LRRC69: variants seen among roughly 807,000 people sequenced by gnomAD.
The protein encoded by LRRC69 is leucine-rich repeat-containing protein 69.
Under a neutral mutation model 37.8 loss-of-function variants are expected in LRRC69, and 42 were observed. The ratio of observed to expected loss-of-function variants is 1.11; its 90% confidence interval spans 0.87 to 1.44. The LOEUF (loss-of-function observed/expected upper bound fraction) is 1.44. Ranked by LOEUF, LRRC69 falls within the 40% of genes most tolerant of loss-of-function variation. The pLI, the probability that LRRC69 is intolerant of heterozygous loss-of-function variation, is 0.00. For missense variants in LRRC69, 357 were observed against 401.9 expected (o/e 0.89, Z 0.96); for synonymous variants, 141 against 143.1 (o/e 0.99, Z 0.11).
intron 5 of LRRC69, among the ~76,000 whole-genome samples, chr8:91,148,845 A>AT: frequency 6.6e-6 from 1 of 151,930 alleles, no homozygotes; most frequent in East Asian, 1.9e-4. Flanking sequence ...GATGATGAGC[A>AT]TTTTTTCATG....
chr8:91,211,296 A>G (rs1809912382), intron 7 of LRRC69, among the ~76,000 whole-genome samples: 1 of 152,110 alleles, frequency 6.6e-6, no homozygotes, highest in South Asian at 2.1e-4. Flanking sequence ...GATAGTAAAA[A>G]AGTATATCAC....
chr8:91,109,007 C>T (rs190290593), intron 1 of LRRC69, among the ~76,000 whole-genome samples: 1 of 152,134 alleles, frequency 6.6e-6, no homozygotes, highest in Admixed American at 6.5e-5. Flanking sequence ...AAGCCTTTCT[C>T]TTCTCCTGTT....
At chr8:91,187,908 C>G (rs571871583) in intron 5 of LRRC69, among the ~76,000 whole-genome samples, 4 of 152,290 alleles carry the variant, frequency 2.6e-5, no homozygotes, top group African/African-American at 9.6e-5. Context: ...CTTCTTTCTC[C>G]TTTACATTGA....
rs1809575844 is a variant in LRRC69, at chr8:91,195,271, G to T, written c.754-5342G>T. Among the ~76,000 whole-genome samples the T allele has an allele frequency of 2.6e-5, 4 of 151,778 alleles. No individual in the cohort carries two copies. In the South Asian group the frequency reaches 8.3e-4, roughly 32 times the overall value. ...GGAGAGCTTTACTTCCAAGTGTGTGGTCAATTTTGGAATAGGTGTGGTGTG... is the reference window on the plus strand; with the variant it reads ...GGAGAGCTTTACTTCCAAGTGTGTGTTCAATTTTGGAATAGGTGTGGTGTG... On this transcript the variant is annotated intron_variant, in intron 6 of 7. Transcript: ENST00000448384.
rs141915141 is a variant in LRRC69 at position 91,212,774 on chromosome 8, A to G, written c.934-6116A>G. On this transcript the variant is annotated intron_variant, in intron 7 of 7. Coordinates refer to ENST00000448384, the Ensembl canonical transcript of LRRC69. Reference sequence around the variant, plus strand: ...TACATTAGGTACTAAGAGGATCAGAAAGCATCACATTTCTAATTCTAAACA... The same window carrying G: ...TACATTAGGTACTAAGAGGATCAGAGAGCATCACATTTCTAATTCTAAACA... Among the ~76,000 whole-genome samples the G allele has an allele frequency of 4.2e-3, 647 of 152,322 alleles. 8 individuals carry two copies. Among genetic ancestry groups the G allele is most frequent in the African/African-American group, 0.015 (629 of 41,572 alleles).
chr8:91,129,261 C>G (rs977124910), intron 3 of LRRC69, among the ~76,000 whole-genome samples: 3 of 152,028 alleles, frequency 2.0e-5, no homozygotes, highest in African/African-American at 7.2e-5. Context: ...AGGCTCAGTT[C>G]TTTCTCCAAA....
intron 5 of LRRC69, among the ~76,000 whole-genome samples, chr8:91,171,607 G>A (rs577833250): frequency 4.3e-4 from 65 of 152,026 alleles, no homozygotes; most frequent in Non-Finnish European, 8.2e-4. Flanking sequence ...TTAGCCCTGG[G>A]AAGATCATAT....
downstream of LRRC69, chr8:91,219,079 A>C: frequency 1.6e-6 from 1 of 620,836 alleles, no homozygotes; most frequent in Non-Finnish European, 2.7e-6. Context: ...CCTACTTAAG[A>C]TACCATGCCT....
intron 5 of LRRC69, among the ~76,000 whole-genome samples, chr8:91,155,769 A>C (rs1018095658): frequency 1.3e-5 from 2 of 150,554 alleles, no homozygotes; most frequent in Non-Finnish European, 3.0e-5. Flanking sequence ...ATTTTACTTA[A>C]TATAATGTCC....
intron 7 of LRRC69, chr8:91,206,863 C>T: frequency 7.8e-7 from 1 of 1,285,150 alleles, no homozygotes; most frequent in Non-Finnish European, 1.0e-6. Context: ...TTGCCAATTT[C>T]AGAAAGCTGC....
At chr8:91,153,551 T>C (rs940113632) in intron 5 of LRRC69, among the ~76,000 whole-genome samples, 3 of 151,896 alleles carry the variant, frequency 2.0e-5, no homozygotes, top group African/African-American at 7.2e-5. Context: ...GAACTCAAGA[T>C]TAAGAAACTT....
chr8:91,192,180 C>A (rs1390558714), intron 6 of LRRC69, among the ~76,000 whole-genome samples: 5 of 152,044 alleles, frequency 3.3e-5, no homozygotes, highest in Non-Finnish European at 2.9e-5. Flanking sequence ...TGAACTCATC[C>A]TTTTTTATGA....
intron 6 of LRRC69, among the ~76,000 whole-genome samples, chr8:91,199,164 G>A (rs181293423): frequency 1.1e-4 from 16 of 152,240 alleles, no homozygotes; most frequent in African/African-American, 3.4e-4. Flanking sequence ...CATTGAATTC[G>A]TGTAGCTAAA....
intron 6 of LRRC69, among the ~76,000 whole-genome samples, chr8:91,191,813 T>A (rs1208957177): frequency 6.6e-6 from 1 of 152,202 alleles, no homozygotes; most frequent in Non-Finnish European, 1.5e-5. Context: ...TTTTCAGAAC[T>A]GTTGGGTCCA....
intron 5 of LRRC69, among the ~76,000 whole-genome samples, chr8:91,147,964 G>A (rs1416487856): frequency 6.6e-6 from 1 of 151,568 alleles, no homozygotes; most frequent in Admixed American, 6.6e-5. Flanking sequence ...GCGGTGTTTG[G>A]TTTTCTGTTC....
At chr8:91,143,813 T>A (rs940806047) in intron 5 of LRRC69, among the ~76,000 whole-genome samples, 2 of 152,010 alleles carry the variant, frequency 1.3e-5, no homozygotes, top group African/African-American at 4.8e-5. Context: ...GAAGCAACTT[T>A]CCCAGAAATA....
At chr8:91,195,625 T>G (rs1031318402) in intron 6 of LRRC69, among the ~76,000 whole-genome samples, 43 of 152,108 alleles carry the variant, frequency 2.8e-4, no homozygotes, top group Middle Eastern at 3.4e-3. Flanking sequence ...TTTTGATCTT[T>G]ATTGGTTTAA....
At chr8:91,110,693 A>G (rs1012241844) in intron 1 of LRRC69, among the ~76,000 whole-genome samples, 1 of 152,038 alleles carries the variant, frequency 6.6e-6, no homozygotes, top group African/African-American at 2.4e-5. Flanking sequence ...AAACCAAGTA[A>G]TTAAAATATA....
intron 3 of LRRC69, among the ~76,000 whole-genome samples, chr8:91,128,947 A>G (rs1275973811): frequency 1.3e-5 from 2 of 152,024 alleles, no homozygotes; most frequent in Non-Finnish European, 2.9e-5. Flanking sequence ...GAGGGCTAGC[A>G]GGGACTCAGA....
Sources: gnomAD v4.1 joint callset for allele counts (sites outside exome capture counted in the v4.1 genomes callset) on GRCh38, gnomAD v4.1.1 for gene constraint, MANE v1.5 for transcripts, NCBI Gene and HGNC (gene_info 2026-07-23, HGNC 2026-07-21) for gene names.